Variants in ZFYVE9 observed in about 807,000 individuals in gnomAD.
ZFYVE9 encodes zinc finger FYVE-type containing 9, also known as zinc finger FYVE domain-containing protein 9.
Under a neutral mutation model 126.7 loss-of-function variants are expected in ZFYVE9, and 43 were observed. The observed-to-expected ratio is 0.34, with a 90% CI of 0.27 to 0.44. ZFYVE9 has a LOEUF of 0.44. Ranked by LOEUF, ZFYVE9 falls within the 20% of genes least tolerant of loss-of-function variation. The pLI is 1.00. For synonymous variants in ZFYVE9, 521 were observed against 597.4 expected, an observed-to-expected ratio of 0.87 and a Z score of 1.87; for missense variants, 1,476 against 1,697.0, an observed-to-expected ratio of 0.87 and a Z score of 2.29.
intron 8 of ZFYVE9, among the ~76,000 whole-genome samples, chr1:52,275,526 T>C (rs1645736788): frequency 6.6e-6 from 1 of 152,216 alleles, no homozygotes; most frequent in African/African-American, 2.4e-5. Context: ...CATGTCCCCT[T>C]TTCTCCACAG....
chr1:52,182,678 C>G (rs892900000), intron 1 of ZFYVE9, among the ~76,000 whole-genome samples: 2 of 152,076 alleles, frequency 1.3e-5, no homozygotes, highest in Non-Finnish European at 2.9e-5. Context: ...ATCTGCTGAC[C>G]TTCCCTCCAC....
At chr1:52,224,638 C>T (rs907663899) in intron 2 of ZFYVE9, among the ~76,000 whole-genome samples, 4 of 152,100 alleles carry the variant, frequency 2.6e-5, no homozygotes, top group Admixed American at 6.5e-5. Flanking sequence ...TTCCTTAGTC[C>T]AAATAAAAAC....
At chr1:52,193,789 AAC>A (rs111938809) in intron 1 of ZFYVE9, among the ~76,000 whole-genome samples, 6,775 of 151,450 alleles carry the variant, frequency 0.045, 392 homozygotes, top group African/African-American at 0.14. Flanking sequence ...TTTATCTTCA[AAC>A]ACACACGCAC....
chr1:52,324,149 T>C (rs755217947), intron 13 of ZFYVE9, among the ~76,000 whole-genome samples: 3 of 151,886 alleles, frequency 2.0e-5, no homozygotes, highest in Non-Finnish European at 4.4e-5. Context: ...CCTGGGAGGC[T>C]GAGGTGGGAG....
chr1:52,199,251 T>C (rs1438704579), intron 1 of ZFYVE9, among the ~76,000 whole-genome samples: 1 of 152,142 alleles, frequency 6.6e-6, no homozygotes, highest in Non-Finnish European at 1.5e-5. Flanking sequence ...TTTTTTTTAG[T>C]AGAGACGGAG....
intron 1 of ZFYVE9, among the ~76,000 whole-genome samples, chr1:52,144,598 A>C (rs1031864418): frequency 6.6e-6 from 1 of 151,778 alleles, no homozygotes; most frequent in African/African-American, 2.4e-5. Flanking sequence ...TAGCAAAACT[A>C]TAAGTCTTTA....
At chr1:52,335,605 G>A (rs1646380957) in intron 15 of ZFYVE9, among the ~76,000 whole-genome samples, 2 of 152,156 alleles carry the variant, frequency 1.3e-5, no homozygotes, top group Admixed American at 1.3e-4. Flanking sequence ...GAAGGTGGAA[G>A]CTGCATTGCC....
chr1:52,205,460 C>A (rs1644969526), intron 1 of ZFYVE9, among the ~76,000 whole-genome samples: 1 of 152,076 alleles, frequency 6.6e-6, no homozygotes, highest in East Asian at 1.9e-4. Flanking sequence ...GAACTCTGGG[C>A]TCAAGCGATC....
chr1:52,186,023 T>A (rs1486589426), intron 1 of ZFYVE9, among the ~76,000 whole-genome samples: 1 of 147,418 alleles, frequency 6.8e-6, no homozygotes, highest in Non-Finnish European at 1.5e-5. Flanking sequence ...GGTGGATCAC[T>A]TGAGGTCAGG....
intron 1 of ZFYVE9, among the ~76,000 whole-genome samples, chr1:52,176,015 C>G (rs563892613): frequency 7.9e-5 from 12 of 152,330 alleles, no homozygotes; most frequent in African/African-American, 2.9e-4. Flanking sequence ...CATTCTCCAT[C>G]CAGGTTTGTT....
chr1:52,174,579 G>A (rs1193998236), intron 1 of ZFYVE9, among the ~76,000 whole-genome samples: 2 of 150,228 alleles, frequency 1.3e-5, no homozygotes, highest in Non-Finnish European at 3.0e-5. Flanking sequence ...CTGTCTCATT[G>A]ATCTGTCTAA....
chr1:52,260,557 C>T (rs962653903), intron 4 of ZFYVE9, among the ~76,000 whole-genome samples: 1 of 152,092 alleles, frequency 6.6e-6, no homozygotes, highest in Non-Finnish European at 1.5e-5. Context: ...TAGTTCACAT[C>T]TGTAATCCCA....
chr1:52,167,426 A>G (rs1644523778), intron 1 of ZFYVE9, among the ~76,000 whole-genome samples: 2 of 152,190 alleles, frequency 1.3e-5, no homozygotes, highest in African/African-American at 4.8e-5. Flanking sequence ...GGATGGATAA[A>G]TGAAATTGCA....
chr1:52,179,892 A>G, intron 1 of ZFYVE9: 1 of 882,104 alleles, frequency 1.1e-6, no homozygotes, highest in Non-Finnish European at 1.9e-6. Context: ...ATCTTACACA[A>G]AAAGGGCATC....
At chr1:52,248,601 C>T (rs1645413938) in intron 4 of ZFYVE9, among the ~76,000 whole-genome samples, 1 of 152,178 alleles carries the variant, frequency 6.6e-6, no homozygotes, top group Admixed American at 6.5e-5. Context: ...ATCAGAGTTT[C>T]ATTCCTTTTT....
chr1:52,144,535 A>G (rs760076019), intron 1 of ZFYVE9, among the ~76,000 whole-genome samples: 59 of 152,232 alleles, frequency 3.9e-4, no homozygotes, highest in Non-Finnish European at 7.6e-4. Flanking sequence ...TCACTGATAC[A>G]GTAAGTTTAA....
At chr1:52,264,935 C>T (rs541276185) in intron 5 of ZFYVE9, among the ~76,000 whole-genome samples, 1 of 152,306 alleles carries the variant, frequency 6.6e-6, no homozygotes, top group African/African-American at 2.4e-5. Context: ...CACTTGGTTG[C>T]TCAATTGATG....
chr1:52,244,596 A>G (rs1036682984), intron 4 of ZFYVE9, among the ~76,000 whole-genome samples: 2 of 152,212 alleles, frequency 1.3e-5, no homozygotes, highest in Admixed American at 1.3e-4. Context: ...GAGGAAAAGT[A>G]AAGCCTAATA....
chr1:52,315,843 A>G (rs1259419337), intron 13 of ZFYVE9, among the ~76,000 whole-genome samples: 1 of 151,996 alleles, frequency 6.6e-6, no homozygotes, highest in Admixed American at 6.6e-5. Flanking sequence ...ATTCATCTGT[A>G]TGTTGTGTAA....
Sources: allele counts gnomAD v4.1 joint callset (sites outside exome capture counted in the v4.1 genomes callset), GRCh38; gene constraint gnomAD v4.1.1; transcripts MANE v1.5; gene names NCBI Gene and HGNC (gene_info 2026-07-23, HGNC 2026-07-21).